Variants in IRF8 observed in about 807,000 individuals in gnomAD.
IRF8 encodes interferon consensus sequence binding protein 1.
A neutral mutation model predicts 48.7 loss-of-function variants in IRF8; 14 were observed. The observed-to-expected ratio is 0.29, with a 90% confidence interval of 0.19 to 0.45. The LOEUF (loss-of-function observed/expected upper bound fraction) is 0.45. Among genes scored for constraint, IRF8 ranks in the 20% least tolerant of loss-of-function variants. The pLI is 1.00. For missense variants in IRF8, 493 were observed against 580.7 expected (o/e 0.85, Z 1.55); for synonymous variants, 278 against 227.3 (o/e 1.22, Z -2.01).
intron 6 of IRF8, among the ~76,000 whole-genome samples, chr16:85,916,847 C>A (rs534529587): frequency 1.3e-5 from 2 of 152,136 alleles, no homozygotes; most frequent in Admixed American, 1.3e-4. Context: ...AGAGCGAGAC[C>A]AGCGGGGAAG....
intron 4 of IRF8, 43 bp from the exon 5 acceptor site, chr16:85,913,088 T>C (rs1905191770): frequency 7.4e-7 from 1 of 1,348,370 alleles, no homozygotes; most frequent in Non-Finnish European, 1.1e-6. Context: ...AGGTGGGAGA[T>C]CAGTGACTGA....
chr16:85,918,336 G>A, intron 6 of IRF8, 81 bp from the exon 7 acceptor site: 1 of 1,496,148 alleles, frequency 6.7e-7, no homozygotes, highest in Non-Finnish European at 9.0e-7. Context: ...CCGTGTAGGT[G>A]TGAGACAGAC....
intron 2 of IRF8, among the ~76,000 whole-genome samples, chr16:85,906,414 T>C (rs1905004840): frequency 6.6e-6 from 1 of 152,210 alleles, no homozygotes; most frequent in African/African-American, 2.4e-5. Flanking sequence ...CGAGAGATCA[T>C]CAAGCTAAGT....
At chr16:85,900,532 C>T (rs984371965) in intron 1 of IRF8, among the ~76,000 whole-genome samples, 5 of 152,336 alleles carry the variant, frequency 3.3e-5, no homozygotes, top group East Asian at 3.9e-4. Context: ...GACACACAGA[C>T]GTGGCTGCAC....
In IRF8 at chr16:85,903,125, G is replaced by A. The variant is rs1250694242; in HGVS notation, c.110G>A (p.Arg37Gln). 3.7e-6 allele frequency: 6 copies of A among 1,613,968 alleles called. No homozygotes were observed. The highest frequency in any genetic ancestry group is 1.1e-5 in the South Asian group (1 of 91,074). The part of the protein sequence containing the change: ...IWENEEKSMF[R>Q]IPWKHAGKQD... ...GAGAATGAGGAGAAGAGCATGTTCC[G>A]GATCCCTTGGAAACACGCTGGCAAG... The change falls in exon 2 of 9, where the codon CGG (arginine) becomes CAG (glutamine). Residue 37 changes from arginine to glutamine, a missense_variant. Arg to Gln is a conservative substitution (Grantham distance 43). This residue lies in a region of IRF8 where 54 missense variants were observed against 59.9 expected (regional missense o/e 0.90). Coordinates refer to ENST00000268638, the MANE Select transcript of IRF8 (RefSeq NM_002163.4).
At position 85,918,314 on chromosome 16, in the gene IRF8, A is replaced by C. The variant is rs773037782; in HGVS notation, c.602-103A>C. On this transcript the variant is annotated intron_variant, in intron 6 of 8. Transcript: ENST00000268638. The stretch of plus-strand genomic sequence containing the variant: ...AGAATATCAAAGTGGTTCAAGACAC[A>C]CAAAGAGTTACCCGTGTAGGTGTGA... The C allele has an allele frequency of 1.2e-5, 17 of 1,368,562 alleles. No homozygotes were observed. The South Asian group carries it at 2.3e-4, about 19-fold the overall frequency. 84.8% of individuals were successfully genotyped at this position (1,368,562 alleles called of 1,614,324 possible).
Position 85,921,305 on chromosome 16 carries a change from C to T in IRF8, c.*23C>T. ...TAAGTGCGTCGCTTGGGCGCCCCAC[C>T]CCGTCTGCGTCCTGCATCCATCTCC... On this transcript the variant is annotated 3_prime_UTR_variant, in exon 9 of 9. Transcript: ENST00000268638. 1.2e-6 allele frequency: 2 copies of T among 1,610,156 alleles called. No individual in the cohort carries two copies. The highest frequency in any genetic ancestry group is 1.7e-6 in the Non-Finnish European group (2 of 1,178,530).
chr16:85,914,771 C>T (rs887835833), intron 6 of IRF8, among the ~76,000 whole-genome samples: 1 of 149,576 alleles, frequency 6.7e-6, no homozygotes, highest in Admixed American at 6.7e-5. Flanking sequence ...GGCTCCGTTC[C>T]GAGGATGAGC....
In IRF8 at chr16:85,902,946, G is replaced by A. The variant is rs550640828; in HGVS notation, c.-1-69G>A. On this transcript the variant is annotated intron_variant, in intron 1 of 8. Transcript: ENST00000268638. Reference sequence around the variant, plus strand: ...CAAACCTCTGAGTTTCCTGTTAGCAGTTTTTGGGTTGCTGTGATGAATGAG... The same window carrying A: ...CAAACCTCTGAGTTTCCTGTTAGCAATTTTTGGGTTGCTGTGATGAATGAG... 9 of 1,563,790 alleles carry A rather than the reference G, an allele frequency of 5.8e-6. No homozygotes were observed. In the African/African-American group the frequency reaches 9.5e-5, roughly 16 times the overall value.
intron 2 of IRF8, among the ~76,000 whole-genome samples, chr16:85,903,713 A>G (rs1413938216): frequency 6.6e-6 from 1 of 152,160 alleles, no homozygotes; most frequent in Non-Finnish European, 1.5e-5. Flanking sequence ...CTCCCTTGAG[A>G]GTAATCGGTT....
intron 2 of IRF8, among the ~76,000 whole-genome samples, chr16:85,903,911 A>G (rs1904907583): frequency 6.6e-6 from 1 of 152,246 alleles, no homozygotes; most frequent in South Asian, 2.1e-4. Context: ...TTCAGATGCA[A>G]GATGGCCCAA....
At chr16:85,914,208 A>C in intron 5 of IRF8, 2 of 523,032 alleles carry the variant, frequency 3.8e-6, no homozygotes, top group Non-Finnish European at 3.5e-6. Flanking sequence ...GTGGCCCCAC[A>C]GTGTCACATT....
At chr16:85,918,846 C>G in intron 7 of IRF8, 43 bp downstream of exon 7, 4 of 1,599,552 alleles carry the variant, frequency 2.5e-6, no homozygotes, top group Non-Finnish European at 3.4e-6. Flanking sequence ...TCTTAGAGAT[C>G]ACGCCTCCTA....
At chr16:85,914,393 T>G (rs752094242) in intron 5 of IRF8, 80 bp from the exon 6 acceptor site, 138 of 1,561,620 alleles carry the variant, frequency 8.8e-5, no homozygotes, top group Non-Finnish European at 4.1e-5. Flanking sequence ...TAAGGGACTT[T>G]TGGAGAAGGA....
chr16:85,912,163 T>G (rs1159862568), intron 4 of IRF8, among the ~76,000 whole-genome samples: 1 of 152,244 alleles, frequency 6.6e-6, no homozygotes, highest in African/African-American at 2.4e-5. Context: ...TAACCAAGCA[T>G]GTTCACATTG....
Position 85,909,161 on chromosome 16 carries a change from G to A in IRF8, c.346G>A (p.Glu116Lys). The change falls in exon 3 of 9, where the codon GAA (glutamate) becomes AAA (lysine). Residue 116 changes from glutamate to lysine, a missense_variant. By Grantham distance (56) the Glu-to-Lys change is moderately conservative. Coordinates refer to ENST00000268638, the MANE Select transcript of IRF8 (RefSeq NM_002163.4). ...CAAAGTTTACCGAATTGTTCCTGAG[G>A]AAGAGCAAAAATGTAACTATCCTTT... ...PYKVYRIVPEEEQKCKLGVAT... is the reference protein window; with the variant it reads ...PYKVYRIVPEKEQKCKLGVAT... The A allele has an allele frequency of 6.2e-7, 1 of 1,614,112 alleles. No homozygotes were observed. Among genetic ancestry groups the A allele is most frequent in the Non-Finnish European group, 8.5e-7 (1 of 1,180,008 alleles).
At position 85,914,539 on chromosome 16, in the gene IRF8, TGA is replaced by T. The variant is rs770944335; in HGVS notation, c.601+23_601+24del. The T allele has an allele frequency of 3.1e-6, 5 of 1,613,930 alleles. No homozygotes were observed. The highest frequency in any genetic ancestry group is 1.6e-4 in the Middle Eastern group (1 of 6,062). On this transcript the variant is annotated intron_variant, in intron 6 of 8. Transcript: ENST00000268638. Reference sequence around the variant, plus strand: ...CATTCAGGTACGGGGTGGTCCGGGCTGAGAGGGGCGTGGGCACTGTTTGAAGA... The same window carrying T: ...CATTCAGGTACGGGGTGGTCCGGGCTGAGGGGCGTGGGCACTGTTTGAAGA...
Position 85,921,153 on chromosome 16 carries a change from C to A in IRF8, c.1152C>A (p.Ser384Arg), listed in dbSNP as rs1449299927. Reference protein sequence around the residue: ...VRQLAEEAGKSCGAGSVMQAP... With the variant: ...VRQLAEEAGKRCGAGSVMQAP... ...AACTGGCAGAAGAGGCTGGGAAGAG[C>A]TGTGGAGCCGGCTCTGTGATGCAGG... is the stretch of plus-strand genomic sequence containing the variant. The change falls in exon 9 of 9, where the codon AGC becomes AGA. Residue 384 changes from serine (S) to arginine (R), a missense_variant. Around this residue, in one of 3 missense-constraint regions of IRF8, gnomAD observed 408 missense variants for 449.6 expected, o/e 0.91. Coordinates refer to ENST00000268638, the MANE Select transcript of IRF8 (RefSeq NM_002163.4). 1.5e-5 allele frequency: 24 copies of A among 1,614,152 alleles called. No homozygotes were observed. The highest frequency in any genetic ancestry group is 2.0e-5 in the Non-Finnish European group (24 of 1,180,034).
intron 1 of IRF8, among the ~76,000 whole-genome samples, chr16:85,899,831 C>A (rs562996403): frequency 1.3e-5 from 2 of 152,272 alleles, no homozygotes; most frequent in Admixed American, 6.5e-5. Context: ...ATTGAAAGAA[C>A]ATTGTTTGTA....
Sources: allele counts gnomAD v4.1 joint callset (sites outside exome capture counted in the v4.1 genomes callset), GRCh38; gene constraint gnomAD v4.1.1; regional missense constraint gnomAD v4.1.1; transcripts MANE v1.5; gene names NCBI Gene and HGNC (gene_info 2026-07-23, HGNC 2026-07-21).